The following ANKAR variants were observed in gnomAD, a reference collection of about 807,000 sequenced individuals.
The protein encoded by ANKAR is ankyrin and armadillo repeat containing.
ANKAR carries 136 observed loss-of-function variants against 146.2 expected under a neutral mutation model. The observed-to-expected ratio is 0.93, with a 90% CI of 0.81 to 1.07. The LOEUF (loss-of-function observed/expected upper bound fraction) is 1.07, where lower values mean the gene tolerates loss of function less well. Ranked by LOEUF, ANKAR falls within the 50% of genes least tolerant of loss-of-function variation. The probability of loss-of-function intolerance (pLI) is 0.00; values close to 1 mark genes in which losing one functional copy is unlikely to be tolerated. For missense variants in ANKAR, 1,567 were observed against 1,679.9 expected, an observed-to-expected ratio of 0.93 and a Z score of 1.18; for synonymous variants, 500 against 575.8, an observed-to-expected ratio of 0.87 and a Z score of 1.88.
chr2:189,716,276 G>A lies in ANKAR; in HGVS notation c.2225-3296G>A, dbSNP rs561473374. Among the ~76,000 whole-genome samples, 8 of 152,256 alleles carry A rather than the reference G, an allele frequency of 5.3e-5. 1 individual carries two copies. The East Asian group carries it at 1.5e-3, about 29-fold the overall frequency. ...CAAAATCAATGTGCAAAAATCACAA[G>A]CATTCTTATACACCAATAATAGACA... On this transcript the variant is annotated intron_variant, in intron 10 of 22. Coordinates refer to ENST00000684021, the MANE Select transcript of ANKAR (RefSeq NM_001378068.1).
intron 21 of ANKAR, 70 bp from the exon 22 acceptor site, chr2:189,744,672 T>G: frequency 1.7e-6 from 2 of 1,145,960 alleles, no homozygotes; most frequent in Non-Finnish European, 2.6e-6. Context: ...CTTCATATAC[T>G]TCTTCATATA....
At chr2:189,716,465 C>T (rs1331190621) in intron 10 of ANKAR, among the ~76,000 whole-genome samples, 1 of 152,058 alleles carries the variant, frequency 6.6e-6, no homozygotes, top group African/African-American at 2.4e-5. Context: ...GAAGAACATT[C>T]CATGCTCATG....
intron 2 of ANKAR, among the ~76,000 whole-genome samples, chr2:189,685,042 G>A (rs901361820): frequency 6.6e-5 from 10 of 151,396 alleles, no homozygotes; most frequent in African/African-American, 2.4e-4. Context: ...CTCTTACTCT[G>A]TCACCCAGGC....
At chr2:189,733,298 T>C (rs1378121221) in intron 17 of ANKAR, 69 bp downstream of exon 17, 1 of 1,314,720 alleles carries the variant, frequency 7.6e-7, no homozygotes, top group Non-Finnish European at 1.0e-6. Context: ...CTTCAAATTA[T>C]CAAGTCTTCT....
At chr2:189,691,435 G>T (rs939334773) in intron 3 of ANKAR, among the ~76,000 whole-genome samples, 3 of 152,022 alleles carry the variant, frequency 2.0e-5, no homozygotes, top group Non-Finnish European at 4.4e-5. Flanking sequence ...TTTTATATGT[G>T]AGATATACTC....
At chr2:189,710,868 A>G (rs1365255422) in intron 9 of ANKAR, among the ~76,000 whole-genome samples, 181 bp from the exon 10 acceptor site, 1 of 152,216 alleles carries the variant, frequency 6.6e-6, no homozygotes, top group Non-Finnish European at 1.5e-5. Context: ...TCACGGGCTG[A>G]TGGAATTTGT....
intron 18 of ANKAR, chr2:189,755,132 C>G (rs1167908676): frequency 1.3e-6 from 2 of 1,582,368 alleles, no homozygotes; most frequent in Non-Finnish European, 1.7e-6. Context: ...TTGAAATGGA[C>G]AACATAACAA....
downstream of ANKAR, among the ~76,000 whole-genome samples, chr2:189,751,102 C>T (rs966704420): frequency 1.3e-5 from 2 of 152,270 alleles, no homozygotes; most frequent in African/African-American, 4.8e-5. Context: ...CCTTTTCTAC[C>T]ATCCTTTGCC....
At chr2:189,759,292 G>A (rs549051184) in intron 18 of ANKAR, among the ~76,000 whole-genome samples, 8 of 150,628 alleles carry the variant, frequency 5.3e-5, no homozygotes, top group Non-Finnish European at 7.4e-5. Flanking sequence ...TCTGTCGCCC[G>A]GGCTGGAGTC....
chr2:189,675,665 G>T (rs1469515799), intron 1 of ANKAR, among the ~76,000 whole-genome samples: 1 of 152,012 alleles, frequency 6.6e-6, no homozygotes, highest in African/African-American at 2.4e-5. Flanking sequence ...TTTCTTTCAT[G>T]CAGGTCAGTA....
At chr2:189,725,123 T>C (rs2041724936) in intron 12 of ANKAR, among the ~76,000 whole-genome samples, 1 of 152,164 alleles carries the variant, frequency 6.6e-6, no homozygotes, top group South Asian at 2.1e-4. Flanking sequence ...TGTGTTGATA[T>C]TATTGGGTTC....
chr2:189,749,951 A>C (rs539047346), downstream of ANKAR, among the ~76,000 whole-genome samples: 1 of 152,104 alleles, frequency 6.6e-6, no homozygotes, highest in African/African-American at 2.4e-5. Flanking sequence ...GTGAAACCCC[A>C]TCTCTACTAA....
chr2:189,679,948 G>A (rs1306545575), intron 2 of ANKAR, among the ~76,000 whole-genome samples: 1 of 152,134 alleles, frequency 6.6e-6, no homozygotes, highest in Non-Finnish European at 1.5e-5. Context: ...TTGGATATTA[G>A]GGTGATACTG....
At chr2:189,686,846 T>TG (rs398080913) in intron 2 of ANKAR, among the ~76,000 whole-genome samples, 8 of 151,500 alleles carry the variant, frequency 5.3e-5, no homozygotes, top group Non-Finnish European at 7.4e-5. Flanking sequence ...ATTTTAAATT[T>TG]TGTGGGTACA....
At chr2:189,726,757 T>A (rs1382266612) in intron 12 of ANKAR, among the ~76,000 whole-genome samples, 1 of 152,150 alleles carries the variant, frequency 6.6e-6, no homozygotes, top group Non-Finnish European at 1.5e-5. Flanking sequence ...AATTGCCTTG[T>A]AGTTACATAA....
chr2:189,705,380 G>C (rs2038790761), intron 8 of ANKAR, among the ~76,000 whole-genome samples, 156 bp downstream of exon 8: 1 of 152,232 alleles, frequency 6.6e-6, no homozygotes, highest in African/African-American at 2.4e-5. Flanking sequence ...TGATCTGAAA[G>C]GTATGTAAGG....
intron 2 of ANKAR, among the ~76,000 whole-genome samples, chr2:189,684,352 CTT>C (rs752092259): frequency 1.3e-5 from 2 of 152,088 alleles, no homozygotes; most frequent in South Asian, 2.1e-4. Flanking sequence ...TATTTGGACT[CTT>C]TTATCTGTGC....
At chr2:189,677,460 T>C (rs10931430) in intron 2 of ANKAR, among the ~76,000 whole-genome samples, 90,271 of 151,642 alleles carry the variant, frequency 0.6, 30,476 homozygotes, top group South Asian at 0.76. Flanking sequence ...TCCTCTAGAA[T>C]CCCCAAAGTC....
At chr2:189,682,809 C>G (rs981925710) in intron 2 of ANKAR, among the ~76,000 whole-genome samples, 17 of 152,126 alleles carry the variant, frequency 1.1e-4, no homozygotes, top group African/African-American at 3.6e-4. Context: ...AATGTGCTGT[C>G]GAGCTTTTTC....
Sources: allele counts gnomAD v4.1 joint callset (sites outside exome capture counted in the v4.1 genomes callset), GRCh38; gene constraint gnomAD v4.1.1; transcripts MANE v1.5; gene names NCBI Gene and HGNC (gene_info 2026-07-23, HGNC 2026-07-21).